Variants in PRDM1 observed in about 807,000 individuals in gnomAD.
PRDM1 encodes the protein PR/SET domain 1.
PRDM1 carries 13 observed loss-of-function variants against 62.8 expected under a neutral mutation model. That is an observed-to-expected ratio of 0.21 (90% CI 0.13 to 0.33). The LOEUF (loss-of-function observed/expected upper bound fraction) is 0.33, where lower values mean the gene tolerates loss of function less well. PRDM1 is among the 10% of genes least tolerant of loss of function. The probability of loss-of-function intolerance (pLI) is 1.00; values close to 1 mark genes in which losing one functional copy is unlikely to be tolerated. For missense variants in PRDM1, 895 were observed against 1,058.8 expected (o/e 0.85, Z 2.15); for synonymous variants, 396 against 417.6 (o/e 0.95, Z 0.63).
At chr6:106,010,444 T>C (rs1772531996) in intron 1 of PRDM1, among the ~76,000 whole-genome samples, 1 of 152,142 alleles carries the variant, frequency 6.6e-6, no homozygotes, top group Non-Finnish European at 1.5e-5. Flanking sequence ...AAATCTATGG[T>C]TATGGATGAC....
chr6:106,047,418 G>A (rs1277749126), upstream of PRDM1, among the ~76,000 whole-genome samples: 2 of 152,220 alleles, frequency 1.3e-5, no homozygotes, highest in Non-Finnish European at 2.9e-5. Context: ...GGAAATGCCT[G>A]TAGAAAGATG....
At chr6:105,998,142 A>C (rs1004613903) in intron 1 of PRDM1, among the ~76,000 whole-genome samples, 5 of 152,212 alleles carry the variant, frequency 3.3e-5, no homozygotes, top group Admixed American at 3.3e-4. Context: ...TCTTATAGAT[A>C]AACATTGCTG....
chr6:106,048,493 A>G (rs1332441902), upstream of PRDM1, among the ~76,000 whole-genome samples: 27 of 152,200 alleles, frequency 1.8e-4, no homozygotes, highest in Admixed American at 1.8e-3. Flanking sequence ...TCAACAGCTT[A>G]GTTCTGTCCA....
intron 2 of PRDM1, among the ~76,000 whole-genome samples, chr6:106,089,211 A>G (rs1403298933): frequency 6.6e-6 from 1 of 152,250 alleles, no homozygotes; most frequent in East Asian, 1.9e-4. Flanking sequence ...AATAACTTGC[A>G]GAACCACCTC....
At chr6:106,031,766 C>T (rs1229119929) in intron 1 of PRDM1, among the ~76,000 whole-genome samples, 1 of 152,132 alleles carries the variant, frequency 6.6e-6, no homozygotes. Context: ...GCAACAACCA[C>T]ACTACACAAC....
chr6:106,011,674 C>T (rs1034710600), intron 1 of PRDM1, among the ~76,000 whole-genome samples: 3 of 152,004 alleles, frequency 2.0e-5, no homozygotes, highest in Admixed American at 6.6e-5. Context: ...AGTTGGAGTC[C>T]GAAGTCCCAG....
chr6:106,032,669 T>C (rs1772861627), intron 1 of PRDM1, among the ~76,000 whole-genome samples: 1 of 151,854 alleles, frequency 6.6e-6, no homozygotes, highest in Admixed American at 6.6e-5. Flanking sequence ...TCTTGATCTC[T>C]TGACCTTGTG....
At chr6:106,100,239 T>A (rs1774230956) in intron 4 of PRDM1, 1 of 152,264 alleles carries the variant, frequency 6.6e-6, no homozygotes, top group African/African-American at 2.4e-5. Flanking sequence ...ATTTTGGTCA[T>A]TCTCAAGTGA....
At chr6:106,012,613 C>T (rs972822412) in intron 1 of PRDM1, among the ~76,000 whole-genome samples, 2 of 151,604 alleles carry the variant, frequency 1.3e-5, no homozygotes. Flanking sequence ...GTGTTGCAAA[C>T]ATACACCATA....
chr6:106,013,936 A>G (rs905758395), intron 1 of PRDM1, among the ~76,000 whole-genome samples: 1 of 151,770 alleles, frequency 6.6e-6, no homozygotes, highest in African/African-American at 2.4e-5. Flanking sequence ...CTCCTTCCCA[A>G]TTCCTTTATC....
At chr6:106,020,640 A>G (rs1329370545) in intron 1 of PRDM1, among the ~76,000 whole-genome samples, 1 of 152,176 alleles carries the variant, frequency 6.6e-6, no homozygotes, top group African/African-American at 2.4e-5. Flanking sequence ...TGTTCTTTGT[A>G]TTCTATTATG....
chr6:106,069,075 C>T (rs1481689064), intron 1 of PRDM1, among the ~76,000 whole-genome samples: 1 of 152,140 alleles, frequency 6.6e-6, no homozygotes, highest in East Asian at 1.9e-4. Flanking sequence ...TAGCCATTGC[C>T]TTTGGATGGT....
At position 106,102,818 on chromosome 6, in the gene PRDM1, T is replaced by C. The variant is rs1382799263; in HGVS notation, c.665-2007T>C. 5.3e-5 allele frequency among the ~76,000 whole-genome samples: 8 copies of C among 152,360 alleles called. 1 individual carries two copies. The South Asian group carries it at 1.7e-3, about 32-fold the overall frequency. ...AGTCATGAGGGTAAAGTTTTTTGTATTTCCATTTTATTCGAGCGGCATCGT... is the reference window on the plus strand; with the variant it reads ...AGTCATGAGGGTAAAGTTTTTTGTACTTCCATTTTATTCGAGCGGCATCGT... On this transcript the variant is annotated intron_variant, in intron 4 of 6. Coordinates refer to ENST00000369096, the MANE Select transcript of PRDM1 (RefSeq NM_001198.4).
chr6:106,017,974 C>T (rs1053072624), intron 1 of PRDM1, among the ~76,000 whole-genome samples: 3 of 151,986 alleles, frequency 2.0e-5, no homozygotes, highest in African/African-American at 7.3e-5. Context: ...CTGTAAAGAA[C>T]CATACTGATA....
intron 1 of PRDM1, among the ~76,000 whole-genome samples, chr6:106,055,463 TTTAC>T (rs1490313525): frequency 1.3e-5 from 2 of 152,226 alleles, no homozygotes; most frequent in Admixed American, 6.5e-5. Flanking sequence ...TTATGGTTTA[TTTAC>T]TTGTTAGAAC....
chr6:106,041,460 C>T (rs896331537), intron 1 of PRDM1, among the ~76,000 whole-genome samples: 2 of 152,138 alleles, frequency 1.3e-5, no homozygotes, highest in Non-Finnish European at 2.9e-5. Flanking sequence ...CCTTAAAATA[C>T]GTTTTTTGTT....
intron 1 of PRDM1, among the ~76,000 whole-genome samples, chr6:106,071,400 C>A (rs1773514684): frequency 6.6e-6 from 1 of 152,026 alleles, no homozygotes; most frequent in Non-Finnish European, 1.5e-5. Context: ...TATATACACA[C>A]ACACACACAT....
At chr6:106,006,938 G>A (rs532506790) in intron 1 of PRDM1, among the ~76,000 whole-genome samples, 12 of 152,008 alleles carry the variant, frequency 7.9e-5, no homozygotes, top group African/African-American at 2.9e-4. Flanking sequence ...TGTGTAATTT[G>A]GAAGGTGTAC....
intron 1 of PRDM1, among the ~76,000 whole-genome samples, chr6:106,000,169 T>C (rs1772411044): frequency 6.6e-6 from 1 of 152,226 alleles, no homozygotes; most frequent in Non-Finnish European, 1.5e-5. Context: ...ATTTCAACTA[T>C]ACCAAAAAAC....
Sources: gnomAD v4.1 joint callset for allele counts (sites outside exome capture counted in the v4.1 genomes callset) on GRCh38, gnomAD v4.1.1 for gene constraint, MANE v1.5 for transcripts, NCBI Gene and HGNC (gene_info 2026-07-23, HGNC 2026-07-21) for gene names.